CRHR2: variants seen among roughly 807,000 people sequenced by gnomAD.
The protein encoded by CRHR2 is corticotropin releasing hormone receptor 2.
CRHR2 carries 53 observed loss-of-function variants against 57.9 expected under a neutral mutation model. The observed-to-expected ratio is 0.92, with a 90% CI of 0.73 to 1.15. The LOEUF (loss-of-function observed/expected upper bound fraction) is 1.15. CRHR2 is among the 50% of genes most tolerant of loss of function. CRHR2 has a pLI of 0.00. For synonymous variants in CRHR2, 213 were observed against 220.9 expected (o/e 0.96, Z 0.32); for missense variants, 532 against 542.6 (o/e 0.98, Z 0.19).
intron 2 of CRHR2, among the ~76,000 whole-genome samples, chr7:30,675,805 G>A (rs1422308890): frequency 1.3e-5 from 2 of 152,194 alleles, no homozygotes; most frequent in Non-Finnish European, 2.9e-5. Context: ...GAGTCTGCCT[G>A]TCTGTCACTC....
chr7:30,653,565 C>T lies in CRHR2; in HGVS notation c.1131G>A (p.Trp377Ter), dbSNP rs201296723. The part of the protein sequence containing the change: ...RSAVRKRWHR[W>*]QDHHSLRVPM... ...GGACTCGAAGGGAGTGATGGTCCTGCCAGCGGTGCCACCTCTTCCTCACGG... is the reference window on the plus strand; with the variant it reads ...GGACTCGAAGGGAGTGATGGTCCTGTCAGCGGTGCCACCTCTTCCTCACGG... The change falls in exon 12 of 12, where the codon TGG (tryptophan) becomes TGA (stop). Residue 377 changes from tryptophan (W) to a stop codon, truncating the protein, a stop_gained. Transcript: ENST00000471646. LOFTEE classifies it high-confidence loss of function. This position sits in a 1 kb window ranked among gnomAD's most constrained non-coding sequence, Gnocchi z 5.0. The T allele has an allele frequency of 9.9e-6, 16 of 1,612,852 alleles. 2 individuals carry two copies. The African/African-American group carries it at 2.0e-4, about 20-fold the overall frequency.
upstream of CRHR2, among the ~76,000 whole-genome samples, chr7:30,687,364 A>G (rs1365094566): frequency 1.3e-5 from 2 of 152,080 alleles, no homozygotes; most frequent in Non-Finnish European, 2.9e-5. Flanking sequence ...ATTTAATGAC[A>G]TGGGGAAATG....
At chr7:30,674,962 C>T (rs548771275) in intron 2 of CRHR2, among the ~76,000 whole-genome samples, 6 of 152,276 alleles carry the variant, frequency 3.9e-5, no homozygotes, top group South Asian at 4.1e-4. Context: ...CATGGCCCCA[C>T]GAGGTCAGCA....
chr7:30,670,002 C>G (rs768194354), intron 2 of CRHR2, among the ~76,000 whole-genome samples: 2 of 152,146 alleles, frequency 1.3e-5, no homozygotes, highest in Admixed American at 6.5e-5. Flanking sequence ...TCCCCGACAC[C>G]CTTAGGTCTG....
intron 2 of CRHR2, among the ~76,000 whole-genome samples, chr7:30,673,214 CTT>C (rs58334246): frequency 1.4e-5 from 2 of 146,556 alleles, no homozygotes; most frequent in African/African-American, 2.5e-5. Flanking sequence ...TTCTTACCTA[CTT>C]TTTTTTTTTT....
Position 30,661,124 on chromosome 7 carries a change from G to A in CRHR2, c.759-479C>T, listed in dbSNP as rs147008596. 3.5e-3 allele frequency among the ~76,000 whole-genome samples: 538 copies of A among 152,350 alleles called. 2 individuals are homozygous for A. Among genetic ancestry groups the A allele is most frequent in the Middle Eastern group, 0.027 (8 of 294 alleles). Reference sequence around the variant, plus strand: ...TCCTACCTCCAGCCTGGGATTTTGCGTCTTTGAGCCAATGCTTGTGCACCC... The same window carrying A: ...TCCTACCTCCAGCCTGGGATTTTGCATCTTTGAGCCAATGCTTGTGCACCC... On this transcript the variant is annotated intron_variant, in intron 7 of 11. Coordinates refer to ENST00000471646, the MANE Select transcript of CRHR2 (RefSeq NM_001883.5).
intron 1 of CRHR2, among the ~76,000 whole-genome samples, chr7:30,694,280 C>G (rs1221755704): frequency 1.3e-5 from 2 of 152,212 alleles, no homozygotes; most frequent in Non-Finnish European, 2.9e-5. Context: ...GGTCCTGGTT[C>G]CCGCCTCTCA....
Position 30,667,282 on chromosome 7 carries a change from C to T in CRHR2, c.261G>A (p.Gly87=). 6.2e-7 allele frequency: 1 copy of T among 1,614,176 alleles called. No individual in the cohort carries two copies. Among genetic ancestry groups the T allele is most frequent in the South Asian group, 1.1e-5 (1 of 91,090 alleles). ...AGTAGTTGATCTTTGAGGCCCACGT[C>T]CCATTCTCCAAGCATTCTCGATAGG... is the stretch of plus-strand genomic sequence containing the variant. ...RNAYRECLEN[G]TWASKINYSQ... Residue 87 remains glycine (G), a synonymous_variant, in exon 3 of 12, where the codon GGG becomes GGA. Transcript: ENST00000471646.
chr7:30,689,382 C>T, intron 1 of CRHR2: 2 of 966,276 alleles, frequency 2.1e-6, no homozygotes, highest in Non-Finnish European at 3.2e-6. Flanking sequence ...ATCCCTTACT[C>T]CTCTTAGTAC....
Position 30,665,196 on chromosome 7 carries a change from G to T in CRHR2, c.426-9C>A. 1 of 1,612,304 alleles carries T rather than the reference G, an allele frequency of 6.2e-7. No homozygotes were observed. The highest frequency in any genetic ancestry group is 8.5e-7 in the Non-Finnish European group (1 of 1,178,376). The stretch of plus-strand genomic sequence containing the variant: ...GCAGACAGCGAATGCTCCTGTGGGA[G>T]GTGCAGGTCAGGGGTCAGCCAGGTT... On this transcript the variant is annotated splice_polypyrimidine_tract_variant and intron_variant, in intron 4 of 11. Coordinates refer to ENST00000471646, the MANE Select transcript of CRHR2 (RefSeq NM_001883.5). The surrounding 1 kb of genome is among the most constrained non-coding windows in gnomAD (Gnocchi z 4.5).
chr7:30,685,118 T>C (rs1424687030), upstream of CRHR2, among the ~76,000 whole-genome samples: 1 of 152,168 alleles, frequency 6.6e-6, no homozygotes, highest in African/African-American at 2.4e-5. Context: ...CTGTGTACCA[T>C]GAGCAGCAGA....
chr7:30,694,656 G>T (rs945733716), intron 1 of CRHR2, among the ~76,000 whole-genome samples: 1 of 152,144 alleles, frequency 6.6e-6, no homozygotes, highest in Non-Finnish European at 1.5e-5. Context: ...GTCAGAGAAG[G>T]ACTCAGCTGG....
intron 5 of CRHR2, among the ~76,000 whole-genome samples, chr7:30,664,008 C>T (rs1310986207): frequency 1.3e-5 from 2 of 152,300 alleles, no homozygotes; most frequent in South Asian, 4.1e-4. Context: ...TGAGAAAGTC[C>T]TGCTGAGGTG....
At chr7:30,689,143 AC>A (rs1454053827) in intron 2 of CRHR2, 2 of 1,505,794 alleles carry the variant, frequency 1.3e-6, no homozygotes, top group Non-Finnish European at 1.8e-6. Context: ...CGCAGGGCCC[AC>A]CCACATCTCC....
chr7:30,683,704 G>A (rs1784795461), upstream of CRHR2, among the ~76,000 whole-genome samples: 1 of 152,168 alleles, frequency 6.6e-6, no homozygotes, highest in African/African-American at 2.4e-5. Flanking sequence ...AGACTCTCTG[G>A]TTCTGAGTTA....
intron 1 of CRHR2, among the ~76,000 whole-genome samples, chr7:30,692,669 G>A (rs1784984265): frequency 6.6e-6 from 1 of 152,196 alleles, no homozygotes; most frequent in African/African-American, 2.4e-5. Flanking sequence ...GGGGAGACAG[G>A]CAGGAAGGGG....
Position 30,682,377 on chromosome 7 carries a change from G to A in CRHR2, c.-97C>T. On this transcript the variant is annotated 5_prime_UTR_variant, in exon 1 of 12. Coordinates refer to ENST00000471646, the MANE Select transcript of CRHR2 (RefSeq NM_001883.5). The stretch of plus-strand genomic sequence containing the variant: ...AGAGTGAGCGGCCGAGAGGGCGCGG[G>A]GTCCTGGCCCCCGCCAGCCCAGCCC... 7.1e-7 allele frequency: 1 copy of A among 1,399,810 alleles called. No homozygotes were observed. The allele number at this position is 1,399,810 out of a possible 1,614,324, so 86.7% of individuals were successfully genotyped here. A position where few individuals can be genotyped will look rare whatever the true frequency, so the allele number is the denominator to read the frequency against.
chr7:30,672,461 G>A (rs549118436), intron 2 of CRHR2, among the ~76,000 whole-genome samples: 1 of 152,342 alleles, frequency 6.6e-6, no homozygotes, highest in South Asian at 2.1e-4. Context: ...ATCTCAGGAT[G>A]GACCAAAGCT....
intron 8 of CRHR2, among the ~76,000 whole-genome samples, chr7:30,659,671 G>A (rs1303820475): frequency 6.6e-6 from 1 of 152,164 alleles, no homozygotes; most frequent in Non-Finnish European, 1.5e-5. Context: ...CAAAGATGGA[G>A]GTCAAATGAA....
Sources: allele counts gnomAD v4.1 joint callset (sites outside exome capture counted in the v4.1 genomes callset), GRCh38; gene constraint gnomAD v4.1.1; non-coding constraint Gnocchi (gnomAD v3.1); transcripts MANE v1.5; gene names NCBI Gene and HGNC (gene_info 2026-07-23, HGNC 2026-07-21).